Variants in TENM3 observed in about 807,000 individuals in gnomAD.
TENM3 encodes the protein teneurin-3.
A neutral mutation model predicts 255.1 loss-of-function variants in TENM3; 63 were observed. That is an observed-to-expected ratio of 0.25 (90% CI 0.20 to 0.30). The LOEUF (loss-of-function observed/expected upper bound fraction) is 0.30. TENM3 is among the 10% of genes least tolerant of loss of function. The probability of loss-of-function intolerance (pLI) is 1.00; values close to 1 mark genes in which losing one functional copy is unlikely to be tolerated. For synonymous variants in TENM3, 1,306 were observed against 1,322.3 expected, an observed-to-expected ratio of 0.99 and a Z score of 0.27; for missense variants, 2,929 against 3,461.1, an observed-to-expected ratio of 0.85 and a Z score of 3.86.
At chr4:181,903,577 G>A in the TENM3 span, among the ~76,000 whole-genome samples, 1 of 152,144 alleles carries the variant, frequency 6.6e-6, no homozygotes, top group African/African-American at 2.4e-5. Context: ...ACCAATTACT[G>A]TGTGACTTTG....
At chr4:182,089,292 C>T in the TENM3 span, among the ~76,000 whole-genome samples, 6 of 152,164 alleles carry the variant, frequency 3.9e-5, no homozygotes, top group Admixed American at 3.9e-4. Flanking sequence ...AAGGTTATAT[C>T]ACATAGCTAT....
At chr4:182,641,655 G>A (rs1170744634) in intron 5 of TENM3, among the ~76,000 whole-genome samples, 1 of 151,962 alleles carries the variant, frequency 6.6e-6, no homozygotes, top group Non-Finnish European at 1.5e-5. Context: ...AGCCTCCCGA[G>A]TAGCTGGGAT....
the TENM3 span, among the ~76,000 whole-genome samples, chr4:181,796,049 G>C: frequency 6.6e-6 from 1 of 152,168 alleles, no homozygotes; most frequent in East Asian, 1.9e-4. Context: ...ATTGGATATG[G>C]GCTACAGAAT....
At chr4:182,363,635 A>G (rs1766194295) in intron 3 of TENM3, among the ~76,000 whole-genome samples, 1 of 152,168 alleles carries the variant, frequency 6.6e-6, no homozygotes, top group South Asian at 2.1e-4. Flanking sequence ...ATATGTATAC[A>G]AAAGGTAACC....
the TENM3 span, among the ~76,000 whole-genome samples, chr4:182,055,758 C>G: frequency 6.6e-6 from 1 of 152,090 alleles, no homozygotes; most frequent in Non-Finnish European, 1.5e-5. Context: ...GGTGGATGGA[C>G]AGGAGCTATA....
At chr4:182,753,367 AC>A in intron 20 of TENM3, 82 bp from the exon 21 acceptor site, 1 of 1,206,588 alleles carries the variant, frequency 8.3e-7, no homozygotes, top group Non-Finnish European at 1.2e-6. Flanking sequence ...GGGTTAAATA[AC>A]TGAGTTTAAT....
the TENM3 span, among the ~76,000 whole-genome samples, chr4:181,587,846 T>C: frequency 6.6e-6 from 1 of 152,178 alleles, no homozygotes; most frequent in Non-Finnish European, 1.5e-5. Context: ...ATCTTTGTTA[T>C]ATTATGAGTA....
At chr4:181,735,620 G>A in the TENM3 span, among the ~76,000 whole-genome samples, 1 of 152,042 alleles carries the variant, frequency 6.6e-6, no homozygotes, top group Non-Finnish European at 1.5e-5. Context: ...ATGAAAGACT[G>A]ACAACCCACC....
At chr4:181,801,690 A>ATATAT in the TENM3 span, among the ~76,000 whole-genome samples, 1 of 115,998 alleles carries the variant, frequency 8.6e-6, no homozygotes, top group African/African-American at 3.2e-5. Context: ...ATATATATAT[A>ATATAT]TATATATGCA....
At chr4:182,222,698 T>G (rs896272868) in intron 1 of TENM3, among the ~76,000 whole-genome samples, 2 of 152,248 alleles carry the variant, frequency 1.3e-5, no homozygotes, top group African/African-American at 4.8e-5. Context: ...AGAACCTCTC[T>G]TCTTTCTGCT....
the TENM3 span, among the ~76,000 whole-genome samples, chr4:181,529,054 A>C: frequency 6.6e-6 from 1 of 152,256 alleles, no homozygotes; most frequent in Non-Finnish European, 1.5e-5. Flanking sequence ...AGGAAGGCAC[A>C]GTGGAGATTA....
chr4:181,468,014 G>A, the TENM3 span, among the ~76,000 whole-genome samples: 2 of 151,982 alleles, frequency 1.3e-5, no homozygotes, highest in South Asian at 4.1e-4. Flanking sequence ...TAAGAAAAAA[G>A]GCCTGGTGCA....
At chr4:182,255,328 A>G (rs982352162) in intron 1 of TENM3, among the ~76,000 whole-genome samples, 3 of 152,152 alleles carry the variant, frequency 2.0e-5, no homozygotes, top group African/African-American at 4.8e-5. Context: ...TAAACACGTA[A>G]TGGATGAGAT....
intron 3 of TENM3, among the ~76,000 whole-genome samples, chr4:182,527,077 A>G (rs1329065047): frequency 6.6e-6 from 1 of 152,138 alleles, no homozygotes; most frequent in African/African-American, 2.4e-5. Flanking sequence ...TTAGAGATAT[A>G]ATGAGTTGTC....
At chr4:181,674,868 G>C in the TENM3 span, among the ~76,000 whole-genome samples, 1 of 152,092 alleles carries the variant, frequency 6.6e-6, no homozygotes, top group Non-Finnish European at 1.5e-5. Context: ...TATATGTATT[G>C]CATAGTGATC....
chr4:181,681,293 G>A, the TENM3 span, among the ~76,000 whole-genome samples: 17 of 151,192 alleles, frequency 1.1e-4, no homozygotes, highest in South Asian at 2.5e-3. Flanking sequence ...GTTTTTTTTC[G>A]TAGAAATAAC....
rs78915642 is a variant in TENM3, at chr4:182,487,067, A to G, written c.512-113857A>G. ...TTGTTCTGAATGTCAGCAGTGTTAA[A>G]GGAGCTCCACAGCGGACATTTCCTT... On this transcript the variant is annotated intron_variant, in intron 3 of 27. Transcript: ENST00000511685. 9.3e-3 allele frequency among the ~76,000 whole-genome samples: 1,414 copies of G among 152,256 alleles called. 23 individuals carry two copies. Among genetic ancestry groups the G allele is most frequent in the South Asian group, 0.047 (226 of 4,818 alleles).
the TENM3 span, among the ~76,000 whole-genome samples, chr4:182,094,515 G>T: frequency 2.0e-5 from 3 of 152,312 alleles, no homozygotes; most frequent in East Asian, 5.8e-4. Context: ...CAAAGTGCTG[G>T]GATTACAGGC....
chr4:182,177,199 C>T (rs988554632), intron 1 of TENM3, among the ~76,000 whole-genome samples: 2 of 152,240 alleles, frequency 1.3e-5, no homozygotes, highest in Non-Finnish European at 2.9e-5. Context: ...TTGTCTTGCA[C>T]GAGGTGTTAC....
Sources: gnomAD v4.1 joint callset for allele counts (sites outside exome capture counted in the v4.1 genomes callset) on GRCh38, gnomAD v4.1.1 for gene constraint, MANE v1.5 for transcripts, NCBI Gene and HGNC (gene_info 2026-07-23, HGNC 2026-07-21) for gene names.